PHC3: variants seen among roughly 807,000 people sequenced by gnomAD.
PHC3 encodes polyhomeotic-like protein 3.
A neutral mutation model predicts 107.4 loss-of-function variants in PHC3; 13 were observed. The ratio of observed to expected loss-of-function variants is 0.12; its 90% CI spans 0.08 to 0.19. The LOEUF (loss-of-function observed/expected upper bound fraction) is 0.19, where lower values mean the gene tolerates loss of function less well. Among genes scored for constraint, PHC3 ranks in the 10% least tolerant of loss-of-function variants. The pLI is 1.00. For synonymous variants in PHC3, 456 were observed against 427.4 expected, an observed-to-expected ratio of 1.07 and a Z score of -0.83; for missense variants, 992 against 1,210.9, an observed-to-expected ratio of 0.82 and a Z score of 2.68.
In PHC3 at chr3:170,095,173, T is replaced by C. The variant is rs1461011589; in HGVS notation, c.*2057A>G. 1 of 152,192 alleles carries C rather than the reference T, an allele frequency of 6.6e-6. No homozygotes were observed. The highest frequency in any genetic ancestry group is 2.4e-5 in the African/African-American group (1 of 41,466). 9.4% of individuals were successfully genotyped at this position (152,192 alleles called of 1,614,324 possible). On this transcript the variant is annotated 3_prime_UTR_variant, in exon 15 of 15. Transcript: ENST00000495893. ...GGAAAAGTCAAGCATATGACAATTC[T>C]GTCATGATGATTAACTGCTAATAAA...
intron 4 of PHC3, among the ~76,000 whole-genome samples, chr3:170,150,153 A>T (rs1725665605): frequency 1.3e-5 from 2 of 152,204 alleles, no homozygotes; most frequent in Non-Finnish European, 2.9e-5. Flanking sequence ...ATTCCACATA[A>T]CTTAAAACAT....
chr3:170,114,166 C>T (rs943054191), intron 10 of PHC3, among the ~76,000 whole-genome samples: 22 of 152,212 alleles, frequency 1.4e-4, no homozygotes, highest in African/African-American at 5.1e-4. Context: ...TGTGCCACCG[C>T]GCCTGGCTAA....
At chr3:170,143,020 T>C (rs1225239965) in intron 6 of PHC3, among the ~76,000 whole-genome samples, 31 of 151,204 alleles carry the variant, frequency 2.1e-4, no homozygotes, top group Non-Finnish European at 7.4e-5. Flanking sequence ...CAGAAAAAAA[T>C]ACAAAGACTA....
rs775923332 is a variant in PHC3, at chr3:170,097,379, G to C, written c.2839C>G (p.Gln947Glu). 6.2e-7 allele frequency: 1 copy of C among 1,611,730 alleles called. No individual in the cohort carries two copies. Among genetic ancestry groups the C allele is most frequent in the Non-Finnish European group, 8.5e-7 (1 of 1,178,670 alleles). Reference protein sequence around the residue: ...WAFIHSLPGCQDIADEFRAQE... With the variant: ...WAFIHSLPGCEDIADEFRAQE... ...GCTCTGAATTCATCTGCGATATCCT[G>C]GCAGCCTGGAATTTGACCAGAGGAC... The change falls in exon 15 of 15, where the codon CAG (glutamine) becomes GAG (glutamate). Residue 947 changes from glutamine to glutamate, a missense_variant. Physicochemically the swap from Gln to Glu is conservative, Grantham distance 29. This residue lies in a region of PHC3 where 228 missense variants were observed against 288.8 expected (regional missense o/e 0.79). Transcript: ENST00000495893. This position sits in a 1 kb window ranked among gnomAD's most constrained non-coding sequence, Gnocchi z 4.1.
At position 170,175,046 on chromosome 3, in the gene PHC3, C is replaced by T. The variant is rs187930299; in HGVS notation, c.181-2334G>A. ...TCTTTCACTACTATTCAATTACTCA[C>T]AGCAATGAGTAAATACAAGTTATAG... On this transcript the variant is annotated intron_variant, in intron 2 of 14. Transcript: ENST00000495893. Among the ~76,000 whole-genome samples, 3 of 152,276 alleles carry T rather than the reference C, an allele frequency of 2.0e-5. No homozygotes were observed. The East Asian group carries it at 5.8e-4, about 29-fold the overall frequency.
intron 14 of PHC3, among the ~76,000 whole-genome samples, chr3:170,098,292 A>T (rs532056991): frequency 2.0e-5 from 3 of 152,176 alleles, no homozygotes; most frequent in African/African-American, 7.2e-5. Flanking sequence ...AAAATATGGA[A>T]GCTTTCTTGA....
intron 12 of PHC3, among the ~76,000 whole-genome samples, chr3:170,104,978 G>A (rs1428854267): frequency 6.6e-6 from 1 of 152,152 alleles, no homozygotes; most frequent in East Asian, 1.9e-4. Flanking sequence ...CAGCTAGGCA[G>A]ACATGTAAAT....
At chr3:170,125,600 T>TA (rs1346980679) in intron 8 of PHC3, among the ~76,000 whole-genome samples, 1 of 152,164 alleles carries the variant, frequency 6.6e-6, no homozygotes, top group African/African-American at 2.4e-5. Context: ...TTCTGATTTT[T>TA]AAAAACAAGA....
chr3:170,146,540 T>A (rs1162817561), intron 5 of PHC3, among the ~76,000 whole-genome samples: 6 of 146,960 alleles, frequency 4.1e-5, no homozygotes, highest in Non-Finnish European at 6.0e-5. Context: ...TTTTTCTTTT[T>A]TTTTTTTTTT....
rs1458107989 is a variant in PHC3, at chr3:170,174,183, AC to A, written c.181-1472del. 5.9e-5 allele frequency among the ~76,000 whole-genome samples: 9 copies of A among 151,994 alleles called. No individual in the cohort carries two copies. In the East Asian group the frequency reaches 1.2e-3, roughly 20 times the overall value. On this transcript the variant is annotated intron_variant, in intron 2 of 14. Transcript: ENST00000495893. Reference sequence around the variant, plus strand: ...ACTCCAGCCTAGACGACAGAGCAAGACCCCATCTCAAAAAAATAATAATAAT... The same window carrying A: ...ACTCCAGCCTAGACGACAGAGCAAGACCCATCTCAAAAAAATAATAATAAT...
At chr3:170,126,247 C>T (rs1396440226) in intron 8 of PHC3, among the ~76,000 whole-genome samples, 1 of 151,394 alleles carries the variant, frequency 6.6e-6, no homozygotes, top group African/African-American at 2.4e-5. Flanking sequence ...GAAAAAATAA[C>T]ACATTTGGTC....
intron 4 of PHC3, among the ~76,000 whole-genome samples, chr3:170,167,989 C>A (rs982432673): frequency 5.3e-5 from 8 of 151,906 alleles, no homozygotes; most frequent in African/African-American, 1.9e-4. Context: ...AGCGAGACCT[C>A]AACTCTAATA....
chr3:170,176,764 C>A (rs1269720165), intron 2 of PHC3: 1 of 284,708 alleles, frequency 3.5e-6, no homozygotes, highest in Non-Finnish European at 7.2e-6. Flanking sequence ...TTACTATCTA[C>A]TGGAAACCTA....
At position 170,090,511 on chromosome 3, in the gene PHC3, GTCA is replaced by G. The variant is rs1560003995; in HGVS notation, c.*6716_*6718del. 6.6e-6 allele frequency: 1 copy of G among 152,142 alleles called. No individual in the cohort carries two copies. Among genetic ancestry groups the G allele is most frequent in the Non-Finnish European group, 1.5e-5 (1 of 68,030 alleles). The allele number at this position is 152,142 out of a possible 1,614,324, so 9.4% of individuals were successfully genotyped here. On this transcript the variant is annotated 3_prime_UTR_variant, in exon 15 of 15. Transcript: ENST00000495893. ...ACCAATAAGGAGCATTTAGGAAAAT[GTCA>G]TCATTTGCTTGTTATGTATGAATTT...
At chr3:170,120,961 T>C (rs941455105) in intron 9 of PHC3, among the ~76,000 whole-genome samples, 6 of 152,202 alleles carry the variant, frequency 3.9e-5, no homozygotes, top group African/African-American at 1.4e-4. Flanking sequence ...CAGCAAACTT[T>C]CCATAAATGG....
At position 170,091,309 on chromosome 3, in the gene PHC3, CTG is replaced by C. The variant is rs1402176276; in HGVS notation, c.*5919_*5920del. 2 of 152,198 alleles carry C rather than the reference CTG, an allele frequency of 1.3e-5. No homozygotes were observed. Among genetic ancestry groups the C allele is most frequent in the African/African-American group, 4.8e-5 (2 of 41,454 alleles). 9.4% of individuals were successfully genotyped at this position (152,198 alleles called of 1,614,324 possible). ...TTTTCAAATTATGTTGTTTTCAAAACTGAAATTCATTCATTACTCTGCTTTTT... is the reference window on the plus strand; with the variant it reads ...TTTTCAAATTATGTTGTTTTCAAAACAAATTCATTCATTACTCTGCTTTTT... On this transcript the variant is annotated 3_prime_UTR_variant, in exon 15 of 15. Coordinates refer to ENST00000495893, the MANE Select transcript of PHC3 (RefSeq NM_024947.4).
chr3:170,106,979 T>C, intron 11 of PHC3, 33 bp from the exon 12 acceptor site: 2 of 1,519,676 alleles, frequency 1.3e-6, no homozygotes, highest in East Asian at 2.3e-5. Context: ...AAAAAAAGGT[T>C]CCAAAAATTT....
intron 4 of PHC3, among the ~76,000 whole-genome samples, chr3:170,157,744 C>T (rs954821499): frequency 1.3e-5 from 2 of 151,982 alleles, no homozygotes; most frequent in Admixed American, 6.6e-5. Context: ...TGATATGTGG[C>T]TGATGTGATT....
At chr3:170,179,220 A>AT (rs965546023) in intron 1 of PHC3, among the ~76,000 whole-genome samples, 8 of 152,250 alleles carry the variant, frequency 5.3e-5, no homozygotes, top group East Asian at 1.9e-4. Context: ...TTACCGAAAG[A>AT]TTTTTTTTAA....
Sources: allele counts gnomAD v4.1 joint callset (sites outside exome capture counted in the v4.1 genomes callset), GRCh38; gene constraint gnomAD v4.1.1; regional missense constraint gnomAD v4.1.1; non-coding constraint Gnocchi (gnomAD v3.1); transcripts MANE v1.5; gene names NCBI Gene and HGNC (gene_info 2026-07-23, HGNC 2026-07-21).